The following HPSE2 variants were observed in gnomAD, a reference collection of about 807,000 sequenced individuals.
HPSE2 encodes heparanase 2 (inactive).
A neutral mutation model predicts 60.5 loss-of-function variants in HPSE2; 38 were observed. The observed-to-expected ratio is 0.63, with a 90% confidence interval of 0.48 to 0.82. The LOEUF (loss-of-function observed/expected upper bound fraction) is 0.82. HPSE2 is among the 40% of genes least tolerant of loss of function. The probability of loss-of-function intolerance (pLI) is 0.00; values close to 1 mark genes in which losing one functional copy is unlikely to be tolerated. For missense variants in HPSE2, 713 were observed against 740.4 expected (o/e 0.96, Z 0.43); for synonymous variants, 295 against 293.2 (o/e 1.01, Z -0.06).
chr10:99,059,566 CTTTCT>C, intron 3 of HPSE2, among the ~76,000 whole-genome samples: 1 of 152,194 alleles, frequency 6.6e-6, no homozygotes, highest in South Asian at 2.1e-4. Context: ...GTACCAGTAC[CTTTCT>C]TTTCTCTCTC....
chr10:99,154,743 C>T (rs1333923905), intron 2 of HPSE2, among the ~76,000 whole-genome samples: 1 of 151,354 alleles, frequency 6.6e-6, no homozygotes, highest in African/African-American at 2.4e-5. Context: ...ATCAAATTCA[C>T]ACATAACAAT....
chr10:99,292,558 A>G, the HPSE2 span, among the ~76,000 whole-genome samples: 1 of 152,206 alleles, frequency 6.6e-6, no homozygotes, highest in Admixed American at 6.5e-5. Flanking sequence ...AGTGTTGTCC[A>G]TCAGAAAAAT....
chr10:99,305,959 A>ACATACGCGCGCGCGCGCG, the HPSE2 span, among the ~76,000 whole-genome samples: 3 of 29,676 alleles, frequency 1.0e-4, no homozygotes, highest in Non-Finnish European at 2.6e-4. Flanking sequence ...AAACTCACAC[A>ACATACGCGCGCGCGCGCG]CACGCGCGCG....
chr10:98,606,727 T>G (rs1407014739), intron 9 of HPSE2, among the ~76,000 whole-genome samples: 1 of 152,250 alleles, frequency 6.6e-6, no homozygotes, highest in Non-Finnish European at 1.5e-5. Flanking sequence ...AATGTTATAG[T>G]GTAGTACATT....
the HPSE2 span, among the ~76,000 whole-genome samples, chr10:99,246,050 C>T: frequency 1.3e-5 from 2 of 152,146 alleles, no homozygotes; most frequent in African/African-American, 4.8e-5. Flanking sequence ...GCAAATTAAA[C>T]ACATATGTTA....
intron 9 of HPSE2, among the ~76,000 whole-genome samples, chr10:98,531,164 A>G (rs1237319951): frequency 6.6e-6 from 1 of 152,242 alleles, no homozygotes; most frequent in Non-Finnish European, 1.5e-5. Flanking sequence ...CAAAAGCAAT[A>G]GGTGCTAAAA....
intron 2 of HPSE2, among the ~76,000 whole-genome samples, chr10:99,209,738 G>A (rs920494168): frequency 6.6e-6 from 1 of 152,212 alleles, no homozygotes; most frequent in African/African-American, 2.4e-5. Flanking sequence ...CACCCAGGCT[G>A]GAGTGCAGTG....
the HPSE2 span, among the ~76,000 whole-genome samples, chr10:99,280,206 T>C: frequency 6.6e-6 from 1 of 152,128 alleles, no homozygotes; most frequent in Non-Finnish European, 1.5e-5. Flanking sequence ...ACAGGCCTCA[T>C]GAGGCAAGAG....
chr10:98,938,251 C>T (rs1350087962), intron 3 of HPSE2, among the ~76,000 whole-genome samples: 5 of 144,914 alleles, frequency 3.5e-5, no homozygotes, highest in Non-Finnish European at 7.4e-5. Context: ...ATGACTTTGA[C>T]GAGTTGAGAG....
In HPSE2 at chr10:98,743,994, G is replaced by A; in HGVS notation, c.673C>T (p.Leu225=). 3 of 1,614,154 alleles carry A rather than the reference G, an allele frequency of 1.9e-6. No individual in the cohort carries two copies. The highest frequency in any genetic ancestry group is 2.5e-6 in the Non-Finnish European group (3 of 1,179,996). The part of the protein sequence containing the change: ...DCSGLHLIFA[L]NALRRNPNNS... The stretch of plus-strand genomic sequence containing the variant: ...TTGGGATTACGACGCAGTGCATTTA[G>A]AGCAAATATCAGGTGGAGTCCAGAG... The change falls in exon 4 of 12, where the codon CTA becomes TTA. Residue 225 remains leucine (L), a synonymous_variant. Transcript: ENST00000370552.
chr10:98,857,479 C>T (rs567093171), intron 3 of HPSE2, among the ~76,000 whole-genome samples: 1 of 152,214 alleles, frequency 6.6e-6, no homozygotes, highest in South Asian at 2.1e-4. Flanking sequence ...GAACATTAAA[C>T]ACCACAAACT....
At chr10:98,763,807 T>C (rs1310002041) in intron 3 of HPSE2, among the ~76,000 whole-genome samples, 8 of 150,524 alleles carry the variant, frequency 5.3e-5, no homozygotes, top group African/African-American at 4.9e-5. Flanking sequence ...GTAGAATCCA[T>C]TGTGAAGAAA....
At chr10:98,840,309 A>G (rs1302391105) in intron 3 of HPSE2, among the ~76,000 whole-genome samples, 1 of 152,202 alleles carries the variant, frequency 6.6e-6, no homozygotes, top group African/African-American at 2.4e-5. Flanking sequence ...GAAGGTCTAG[A>G]AGAGCAACCT....
intron 2 of HPSE2, among the ~76,000 whole-genome samples, chr10:99,216,188 C>CTTTTTTTTTTTTTTTTT (rs550046406): frequency 2.0e-5 from 2 of 97,672 alleles, no homozygotes; most frequent in Non-Finnish European, 3.7e-5. Flanking sequence ...ATAACCTAAA[C>CTTTTTTTTTTTTTTTTT]TTTTTTTTTT....
intron 3 of HPSE2, among the ~76,000 whole-genome samples, chr10:98,888,002 AATGTGACTAT>A (rs1953217177): frequency 6.6e-6 from 1 of 151,996 alleles, no homozygotes; most frequent in African/African-American, 2.4e-5. Context: ...ATAGCACAAT[AATGTGACTAT>A]AGTCAATAAT....
chr10:98,916,816 C>T (rs1954131578), intron 3 of HPSE2, among the ~76,000 whole-genome samples: 1 of 152,200 alleles, frequency 6.6e-6, no homozygotes, highest in Non-Finnish European at 1.5e-5. Flanking sequence ...TGCCTGTATA[C>T]ATAGCTCAGT....
At chr10:98,730,831 A>G (rs919725434) in intron 4 of HPSE2, among the ~76,000 whole-genome samples, 2 of 152,230 alleles carry the variant, frequency 1.3e-5, no homozygotes, top group Non-Finnish European at 2.9e-5. Context: ...AAATCTTTCC[A>G]CAAAGAAAGC....
rs771867019 is a variant in HPSE2, at chr10:98,490,120, C to T, written c.1397G>A (p.Arg466Gln). ...VLAVHVAGLQ[R>Q]KPRPGRVIRD... is the part of the protein sequence containing the mutation. ...GATCACTCGGCCAGGCCGTGGCTTC[C>T]GCTGGAGCCCAGCCACATGCACAGC... Residue 466 changes from arginine (R) to glutamine (Q), a missense_variant, in exon 10 of 12, where the codon CGG becomes CAG. By Grantham distance (43) the Arg-to-Gln change is conservative. Transcript: ENST00000370552. The T allele has an allele frequency of 4.0e-5, 64 of 1,614,054 alleles. No individual in the cohort carries two copies. The highest frequency in any genetic ancestry group is 6.7e-5 in the East Asian group (3 of 44,898).
intron 2 of HPSE2, among the ~76,000 whole-genome samples, chr10:99,208,816 C>T (rs951607133): frequency 6.6e-6 from 1 of 151,976 alleles, no homozygotes; most frequent in African/African-American, 2.4e-5. Context: ...GATGAGGAAA[C>T]CTACTCCATG....
Sources: allele counts gnomAD v4.1 joint callset (sites outside exome capture counted in the v4.1 genomes callset), GRCh38; gene constraint gnomAD v4.1.1; transcripts MANE v1.5; gene names NCBI Gene and HGNC (gene_info 2026-07-23, HGNC 2026-07-21).